DLG2: variants seen among roughly 807,000 people sequenced by gnomAD.
DLG2 encodes discs large MAGUK scaffold protein 2.
Under a neutral mutation model 132.5 loss-of-function variants are expected in DLG2, and 45 were observed. The ratio of observed to expected loss-of-function variants is 0.34; its 90% CI spans 0.27 to 0.44. The LOEUF (loss-of-function observed/expected upper bound fraction) is 0.44. Ranked by LOEUF, DLG2 falls within the 20% of genes least tolerant of loss-of-function variation. The pLI is 1.00. For synonymous variants in DLG2, 424 were observed against 419.6 expected (o/e 1.01, Z -0.13); for missense variants, 1,045 against 1,196.9 (o/e 0.87, Z 1.87).
At chr11:83,619,239 C>T (rs933561113) in intron 19 of DLG2, among the ~76,000 whole-genome samples, 6 of 152,160 alleles carry the variant, frequency 3.9e-5, no homozygotes, top group African/African-American at 1.4e-4. Flanking sequence ...ACTCACTGAC[C>T]ATCTTTAACG....
chr11:83,762,992 C>T (rs1258926320), intron 18 of DLG2, among the ~76,000 whole-genome samples: 2 of 152,090 alleles, frequency 1.3e-5, no homozygotes, highest in African/African-American at 4.8e-5. Flanking sequence ...ATTTTCTGTT[C>T]CCATCTGCCA....
intron 21 of DLG2, among the ~76,000 whole-genome samples, chr11:83,503,369 T>TTATATATATATATA (rs34969401): frequency 1.1e-5 from 1 of 90,714 alleles, no homozygotes; most frequent in Non-Finnish European, 2.1e-5. Flanking sequence ...ACACACCCAT[T>TTATATATATATATA]TATATATATA....
intron 3 of DLG2, among the ~76,000 whole-genome samples, chr11:85,535,613 C>T (rs1202976024): frequency 6.6e-6 from 1 of 151,998 alleles, no homozygotes; most frequent in Non-Finnish European, 1.5e-5. Context: ...CCATATAAAC[C>T]AGCAATTCTA....
chr11:85,017,597 C>T (rs923400591), intron 6 of DLG2, among the ~76,000 whole-genome samples: 7 of 152,114 alleles, frequency 4.6e-5, no homozygotes, highest in African/African-American at 1.7e-4. Flanking sequence ...CTATCACTAA[C>T]CGGAATTACT....
intron 3 of DLG2, among the ~76,000 whole-genome samples, chr11:85,342,838 G>A (rs2082590349): frequency 6.6e-6 from 1 of 151,946 alleles, no homozygotes; most frequent in East Asian, 1.9e-4. Flanking sequence ...TAAGTGCTCT[G>A]GCATTTACCA....
At chr11:85,316,739 T>A (rs1465235211) in intron 3 of DLG2, among the ~76,000 whole-genome samples, 1 of 151,864 alleles carries the variant, frequency 6.6e-6, no homozygotes, top group East Asian at 1.9e-4. Context: ...AAAATCTTCT[T>A]TGGCAGAAGA....
intron 16 of DLG2, among the ~76,000 whole-genome samples, chr11:83,839,737 A>C (rs1164022437): frequency 6.6e-6 from 1 of 152,264 alleles, no homozygotes; most frequent in Non-Finnish European, 1.5e-5. Context: ...GATATATTAC[A>C]GAATATAGTT....
chr11:85,043,390 T>G (rs1052711450), intron 6 of DLG2, among the ~76,000 whole-genome samples: 1 of 151,878 alleles, frequency 6.6e-6, no homozygotes, highest in African/African-American at 2.4e-5. Flanking sequence ...AAATACATAT[T>G]GTTTAAATAA....
At chr11:83,517,038 T>A (rs2095319657) in intron 21 of DLG2, among the ~76,000 whole-genome samples, 1 of 152,156 alleles carries the variant, frequency 6.6e-6, no homozygotes, top group Non-Finnish European at 1.5e-5. Flanking sequence ...CTTTGTGGCA[T>A]TCTCTGTATT....
chr11:85,485,226 T>C (rs2093401989), intron 3 of DLG2, among the ~76,000 whole-genome samples: 1 of 151,972 alleles, frequency 6.6e-6, no homozygotes, highest in Non-Finnish European at 1.5e-5. Flanking sequence ...GGGGGAGGGA[T>C]AGCATTGGGA....
rs61907124 is a variant in DLG2 at position 85,436,870 on chromosome 11, G to A, written c.41-151505C>T. On this transcript the variant is annotated intron_variant, in intron 3 of 27. Coordinates refer to ENST00000376104, the MANE Select transcript of DLG2 (RefSeq NM_001142699.3). ...ATGCACATATGTTTGTTGCAGCACT[G>A]TTCACAATAGCAAAGACATGGAACC... Among the ~76,000 whole-genome samples the A allele has an allele frequency of 2.4e-3, 362 of 152,198 alleles. 2 individuals are homozygous for A. The highest frequency in any genetic ancestry group is 4.1e-3 in the Non-Finnish European group (278 of 67,992).
intron 6 of DLG2, among the ~76,000 whole-genome samples, chr11:84,669,439 A>T (rs1481835387): frequency 6.6e-6 from 1 of 152,074 alleles, no homozygotes. Flanking sequence ...TGTTAACTTA[A>T]ATTGATTTCC....
intron 2 of DLG2, among the ~76,000 whole-genome samples, chr11:85,607,261 G>A (rs556812890): frequency 3.9e-5 from 6 of 152,224 alleles, no homozygotes; most frequent in Middle Eastern, 3.4e-3. Flanking sequence ...AACAAACCCC[G>A]ACTCTTCAGA....
At chr11:84,686,157 A>C (rs1348032153) in intron 6 of DLG2, among the ~76,000 whole-genome samples, 2 of 152,146 alleles carry the variant, frequency 1.3e-5, no homozygotes, top group African/African-American at 4.8e-5. Context: ...ATGGATAGGC[A>C]CTCAGTCAAC....
intron 18 of DLG2, among the ~76,000 whole-genome samples, chr11:83,659,433 T>C (rs1203371572): frequency 1.3e-5 from 2 of 152,210 alleles, no homozygotes; most frequent in African/African-American, 4.8e-5. Context: ...TCTTTTTGCT[T>C]ACTCCTTTAC....
chr11:84,440,382 C>G (rs1471171433), intron 7 of DLG2, among the ~76,000 whole-genome samples: 1 of 152,054 alleles, frequency 6.6e-6, no homozygotes, highest in Non-Finnish European at 1.5e-5. Context: ...CCAGAAGACT[C>G]AATAGAAGAA....
At chr11:85,026,102 A>C (rs1419137856) in intron 6 of DLG2, among the ~76,000 whole-genome samples, 7 of 152,184 alleles carry the variant, frequency 4.6e-5, no homozygotes, top group Non-Finnish European at 2.9e-5. Context: ...GAAGCCAAAA[A>C]GAAATAAAAT....
intron 15 of DLG2, among the ~76,000 whole-genome samples, chr11:83,914,686 C>A (rs2076634862): frequency 6.6e-6 from 1 of 152,112 alleles, no homozygotes; most frequent in Non-Finnish European, 1.5e-5. Context: ...GAGCCAGGAT[C>A]CGAACTCAAG....
rs1199843904 is a variant in DLG2 at position 83,980,499 on chromosome 11, C to T, written c.1056+7G>A. 1.3e-5 allele frequency: 21 copies of T among 1,610,310 alleles called. No homozygotes were observed. The highest frequency in any genetic ancestry group is 1.8e-5 in the Non-Finnish European group (21 of 1,178,466). ...TATACACACAGTTTTGCTGGAGTCA[C>T]ACTCACCATTAGTAGTCTATCTCCT... On this transcript the variant is annotated splice_region_variant and intron_variant, in intron 12 of 27. Coordinates refer to ENST00000376104, the MANE Select transcript of DLG2 (RefSeq NM_001142699.3).
Sources: gnomAD v4.1 joint callset for allele counts (sites outside exome capture counted in the v4.1 genomes callset) on GRCh38, gnomAD v4.1.1 for gene constraint, MANE v1.5 for transcripts, NCBI Gene and HGNC (gene_info 2026-07-23, HGNC 2026-07-21) for gene names.